The following REPS1 variants were observed in gnomAD, a reference collection of about 807,000 sequenced individuals.
REPS1 encodes the protein ralBP1-associated Eps domain-containing protein 1.
A neutral mutation model predicts 100.9 loss-of-function variants in REPS1; 39 were observed. The observed-to-expected ratio is 0.39, with a 90% CI of 0.30 to 0.50. REPS1 has a LOEUF of 0.50. REPS1 is among the 20% of genes least tolerant of loss of function. The pLI is 0.86. For synonymous variants in REPS1, 324 were observed against 340.3 expected, an observed-to-expected ratio of 0.95 and a Z score of 0.53; for missense variants, 821 against 968.5, an observed-to-expected ratio of 0.85 and a Z score of 2.02.
At chr6:138,932,073 TTTC>T (rs1176353525) in intron 8 of REPS1, among the ~76,000 whole-genome samples, 1 of 152,178 alleles carries the variant, frequency 6.6e-6, no homozygotes, top group African/African-American at 2.4e-5. Context: ...GTTCTCATGA[TTTC>T]TTCTACTGAC....
At position 138,987,784 on chromosome 6, in the gene REPS1, T is replaced by C; in HGVS notation, c.-102A>G. Reference sequence around the variant, plus strand: ...GGCTGCGCGTGGCCCGGCCTCCTGCTAGCTTCCCGAAAACGCCGGCCCCGG... The same window carrying C: ...GGCTGCGCGTGGCCCGGCCTCCTGCCAGCTTCCCGAAAACGCCGGCCCCGG... On this transcript the variant is annotated 5_prime_UTR_variant, in exon 1 of 20. Transcript: ENST00000450536. The C allele has an allele frequency of 7.5e-7, 1 of 1,330,604 alleles. No homozygotes were observed. The highest frequency in any genetic ancestry group is 1.8e-5 in the South Asian group (1 of 55,682). The allele number at this position is 1,330,604 out of a possible 1,614,324, so 82.4% of individuals were successfully genotyped here.
intron 8 of REPS1, among the ~76,000 whole-genome samples, chr6:138,931,387 C>T (rs9403014): frequency 0.14 from 21,651 of 152,054 alleles, 1,823 homozygotes; most frequent in South Asian, 0.35. Context: ...ACCTTTACTG[C>T]CATTTTCCTA....
rs200224403 is a variant in REPS1 at position 138,908,677 on chromosome 6, G to A, written c.2207C>T (p.Ser736Phe). The change falls in exon 18 of 20, where the codon TCT becomes TTT. Residue 736 changes from serine (S) to phenylalanine (F), a missense_variant. By Grantham distance (155) the Ser-to-Phe change is radical. Transcript: ENST00000450536. ...VLAAVLASQP[S>F]IPRSVGKDKK... is the part of the protein sequence containing the mutation. ...GAATAGCTTTGATTACCTGGGAATA[G>A]AAGGTTGTGATGCAAGAACAGCAGC... is the stretch of plus-strand genomic sequence containing the variant. 344 of 1,613,988 alleles carry A rather than the reference G, an allele frequency of 2.1e-4. No individual in the cohort carries two copies. The highest frequency in any genetic ancestry group is 2.9e-4 in the Non-Finnish European group (338 of 1,180,006).
chr6:138,941,611 C>A, intron 7 of REPS1, 122 bp from the exon 8 acceptor site: 2 of 915,690 alleles, frequency 2.2e-6, no homozygotes, highest in Non-Finnish European at 3.3e-6. Context: ...TATAAAAATC[C>A]CATACACAGA....
intron 8 of REPS1, among the ~76,000 whole-genome samples, chr6:138,940,074 T>C (rs112534914): frequency 6.6e-6 from 1 of 152,238 alleles, no homozygotes. Flanking sequence ...GGGTCACAGA[T>C]TAAATTAGCA....
rs559658367 is a variant in REPS1, at chr6:138,926,334, C to T, written c.1338+67G>A. On this transcript the variant is annotated intron_variant, in intron 10 of 19. Transcript: ENST00000450536. Reference sequence around the variant, plus strand: ...CTGAATCATGCATATCAGCTAAAAACGATAATGAATGGAAATTTGGGTTAA... The same window carrying T: ...CTGAATCATGCATATCAGCTAAAAATGATAATGAATGGAAATTTGGGTTAA... 8 of 1,196,676 alleles carry T rather than the reference C, an allele frequency of 6.7e-6. No homozygotes were observed. The East Asian group carries it at 9.7e-5, about 14-fold the overall frequency. 74.1% of individuals were successfully genotyped at this position (1,196,676 alleles called of 1,614,324 possible).
chr6:138,905,199 G>A, intron 19 of REPS1, 67 bp from the exon 20 acceptor site: 1 of 959,784 alleles, frequency 1.0e-6, no homozygotes, highest in Non-Finnish European at 1.7e-6. Context: ...TCTAACAACA[G>A]CTCTGCTTCA....
At chr6:138,908,151 C>T (rs552964217) in intron 18 of REPS1, among the ~76,000 whole-genome samples, 36 of 152,090 alleles carry the variant, frequency 2.4e-4, no homozygotes, top group Admixed American at 1.3e-3. Flanking sequence ...TGTACTGCTA[C>T]GGGGTTTGAA....
chr6:138,944,549 T>G lies in REPS1; in HGVS notation c.702A>C (p.Ala234=). Residue 234 remains alanine, a synonymous_variant, in exon 5 of 20, where the codon GCA becomes GCC. Transcript: ENST00000450536. ...PPPQENWVSF[A]DTPPTSTLLT... is the part of the protein sequence containing the mutation. ...AAAGAGTACTGGTTGGTGGAGTATCTGCAAAACTGACCCAGTTTTCTTGAG... is the reference window on the plus strand; with the variant it reads ...AAAGAGTACTGGTTGGTGGAGTATCGGCAAAACTGACCCAGTTTTCTTGAG... 3 of 1,614,078 alleles carry G rather than the reference T, an allele frequency of 1.9e-6. No homozygotes were observed. Among genetic ancestry groups the G allele is most frequent in the Non-Finnish European group, 2.5e-6 (3 of 1,179,924 alleles).
chr6:138,963,246 T>C (rs777386947), intron 1 of REPS1, among the ~76,000 whole-genome samples: 2 of 152,200 alleles, frequency 1.3e-5, no homozygotes, highest in African/African-American at 2.4e-5. Context: ...CAAATGATCT[T>C]TTCTTTCTCT....
intron 1 of REPS1, among the ~76,000 whole-genome samples, chr6:138,976,194 T>C (rs1393594929): frequency 6.6e-6 from 1 of 152,220 alleles, no homozygotes; most frequent in African/African-American, 2.4e-5. Flanking sequence ...ACTAGTATAC[T>C]CTTAGTTTCC....
intron 1 of REPS1, among the ~76,000 whole-genome samples, chr6:138,966,187 A>C (rs1481974132): frequency 6.6e-6 from 1 of 152,158 alleles, no homozygotes; most frequent in African/African-American, 2.4e-5. Context: ...CTAAGTGCAC[A>C]GAATACAGTG....
chr6:138,948,601 C>G (rs182873810), intron 1 of REPS1, among the ~76,000 whole-genome samples: 1 of 152,164 alleles, frequency 6.6e-6, no homozygotes, highest in East Asian at 1.9e-4. Flanking sequence ...ATATTAGACT[C>G]AAAAAATAGG....
At chr6:138,910,494 T>A (rs1206205582) in intron 17 of REPS1, among the ~76,000 whole-genome samples, 2 of 152,094 alleles carry the variant, frequency 1.3e-5, no homozygotes, top group Non-Finnish European at 2.9e-5. Flanking sequence ...GCTGGGACTA[T>A]AGGCGCATAC....
At chr6:138,973,641 C>T (rs1300126681) in intron 1 of REPS1, among the ~76,000 whole-genome samples, 1 of 149,488 alleles carries the variant, frequency 6.7e-6, no homozygotes, top group Admixed American at 6.7e-5. Context: ...TAAAGCAGAA[C>T]TACTTAAATC....
intron 9 of REPS1, chr6:138,928,623 A>G (rs963751257): frequency 6.6e-6 from 1 of 152,192 alleles, no homozygotes; most frequent in African/African-American, 2.4e-5. Flanking sequence ...TTCTGTCTCT[A>G]ATGATCACAT....
intron 8 of REPS1, among the ~76,000 whole-genome samples, chr6:138,936,196 T>TA (rs1304695235): frequency 4.6e-5 from 7 of 152,100 alleles, no homozygotes; most frequent in African/African-American, 1.7e-4. Context: ...TTTGAAATCA[T>TA]AATCTTTTTT....
chr6:138,924,137 G>A (rs1455987727), intron 10 of REPS1, among the ~76,000 whole-genome samples: 2 of 152,090 alleles, frequency 1.3e-5, no homozygotes, highest in Admixed American at 1.3e-4. Flanking sequence ...TCTTCTAACC[G>A]AAAATTTAAA....
chr6:138,977,156 T>A (rs899999022), intron 1 of REPS1, among the ~76,000 whole-genome samples: 9 of 152,226 alleles, frequency 5.9e-5, no homozygotes, highest in African/African-American at 2.2e-4. Flanking sequence ...TATAGAGCAC[T>A]ATCACTACAA....
Sources: gnomAD v4.1 joint callset for allele counts (sites outside exome capture counted in the v4.1 genomes callset) on GRCh38, gnomAD v4.1.1 for gene constraint, MANE v1.5 for transcripts, NCBI Gene and HGNC (gene_info 2026-07-23, HGNC 2026-07-21) for gene names.